The following DNAAF11 variants were observed in gnomAD, a reference collection of about 807,000 sequenced individuals.
The protein encoded by DNAAF11 is leucine rich repeat containing 6.
A neutral mutation model predicts 60.8 loss-of-function variants in DNAAF11; 45 were observed. That is an observed-to-expected ratio of 0.74 (90% CI 0.58 to 0.95). DNAAF11 has a LOEUF of 0.95. DNAAF11 is among the 40% of genes least tolerant of loss of function. DNAAF11 has a pLI of 0.00. For synonymous variants in DNAAF11, 191 were observed against 183.5 expected (o/e 1.04, Z -0.33); for missense variants, 546 against 546.2 (o/e 1.00, Z 0.00).
chr8:132,629,640 C>T (rs1445899506), intron 5 of DNAAF11, among the ~76,000 whole-genome samples: 1 of 152,166 alleles, frequency 6.6e-6, no homozygotes, highest in East Asian at 1.9e-4. Context: ...AGCCACTGCG[C>T]CCGGCCCAGA....
chr8:132,620,002 G>A (rs1459149963), intron 7 of DNAAF11, among the ~76,000 whole-genome samples: 1 of 152,168 alleles, frequency 6.6e-6, no homozygotes, highest in Non-Finnish European at 1.5e-5. Context: ...AACGAAATAG[G>A]AAACAAGGTC....
chr8:132,609,148 C>T (rs770676596), intron 10 of DNAAF11, among the ~76,000 whole-genome samples: 21 of 152,228 alleles, frequency 1.4e-4, no homozygotes, highest in Non-Finnish European at 2.6e-4. Flanking sequence ...AATCAAAATA[C>T]GTCTGTGGGG....
intron 10 of DNAAF11, among the ~76,000 whole-genome samples, chr8:132,604,723 C>T (rs182427695): frequency 2.0e-5 from 3 of 152,112 alleles, no homozygotes; most frequent in East Asian, 1.9e-4. Context: ...GGAATGAAGG[C>T]CAGACATAAA....
chr8:132,622,512 A>C (rs1819859943), intron 7 of DNAAF11, 99 bp downstream of exon 7: 2 of 855,018 alleles, frequency 2.3e-6, no homozygotes, highest in African/African-American at 3.4e-5. Flanking sequence ...AGCAGTCAGA[A>C]ATATTCTTTG....
the DNAAF11 span, among the ~76,000 whole-genome samples, chr8:132,689,244 G>C: frequency 1.3e-4 from 20 of 152,278 alleles, no homozygotes; most frequent in East Asian, 3.9e-3. Context: ...GGACATTAGA[G>C]TATTTCTATT....
intron 7 of DNAAF11, among the ~76,000 whole-genome samples, chr8:132,618,081 A>G (rs1376835838): frequency 6.6e-5 from 10 of 151,414 alleles, no homozygotes; most frequent in Admixed American, 1.3e-4. Context: ...ACAGCATGGT[A>G]CTGGTACCAA....
At chr8:132,681,289 C>T in the DNAAF11 span, among the ~76,000 whole-genome samples, 3,596 of 149,456 alleles carry the variant, frequency 0.024, 160 homozygotes, top group African/African-American at 0.084. Context: ...GGATTACAGG[C>T]GTGAGCCACC....
intron 10 of DNAAF11, among the ~76,000 whole-genome samples, chr8:132,597,848 T>C (rs961565528): frequency 2.6e-5 from 4 of 152,140 alleles, no homozygotes; most frequent in African/African-American, 9.7e-5. Flanking sequence ...ATTTTCTTAG[T>C]GGGGTTGGGG....
chr8:132,616,091 A>G (rs945309461), intron 7 of DNAAF11, among the ~76,000 whole-genome samples: 2 of 152,100 alleles, frequency 1.3e-5, no homozygotes, highest in East Asian at 3.9e-4. Context: ...CTTGTAAAGT[A>G]ATTTCAGAGA....
chr8:132,594,707 GCT>G (rs944769504), intron 10 of DNAAF11, among the ~76,000 whole-genome samples: 1 of 152,052 alleles, frequency 6.6e-6, no homozygotes, highest in African/African-American at 2.4e-5. Context: ...TCCTTCACAG[GCT>G]CTCTCACCTG....
At chr8:132,661,367 C>G in intron 2 of DNAAF11, 93 bp downstream of exon 2, 1 of 1,032,170 alleles carries the variant, frequency 9.7e-7, no homozygotes, top group South Asian at 1.7e-5. Context: ...GTTTTTTTTT[C>G]AGTGATTGTC....
intron 11 of DNAAF11, chr8:132,578,381 A>G (rs1814978543): frequency 1.5e-6 from 2 of 1,361,690 alleles, no homozygotes; most frequent in Admixed American, 3.2e-5. Flanking sequence ...ATAATCTCCA[A>G]AACAAAGTGG....
the DNAAF11 span, among the ~76,000 whole-genome samples, chr8:132,682,543 G>C: frequency 2.0e-5 from 3 of 152,118 alleles, no homozygotes; most frequent in African/African-American, 7.2e-5. Context: ...TTAAATATGG[G>C]ACTAATTTTA....
In DNAAF11 at chr8:132,655,390, A is replaced by G. The variant is rs184579015; in HGVS notation, c.256+1440T>C. Among the ~76,000 whole-genome samples, 692 of 152,228 alleles carry G rather than the reference A, an allele frequency of 4.5e-3. 6 individuals carry two copies. The highest frequency in any genetic ancestry group is 0.016 in the African/African-American group (665 of 41,568). ...AAAATCGAATAAGAAGCACTTCTCA[A>G]TTCATTCTATAAAGGCCCCTACTAT... is the stretch of plus-strand genomic sequence containing the variant. On this transcript the variant is annotated intron_variant, in intron 3 of 11. Transcript: ENST00000620350.
rs572376049 is a variant in DNAAF11, at chr8:132,572,828, T to C, written c.1227-348A>G. ...GGCAACGCCCTACAGCCAAGATCAA[T>C]AACTGAATCCTTCCAGGCAGCTCTT... On this transcript the variant is annotated intron_variant, in intron 11 of 11. Transcript: ENST00000620350. 5.3e-5 allele frequency among the ~76,000 whole-genome samples: 8 copies of C among 152,248 alleles called. No individual in the cohort carries two copies. The East Asian group carries it at 1.2e-3, about 22-fold the overall frequency.
At chr8:132,603,741 T>G (rs1817868685) in intron 10 of DNAAF11, among the ~76,000 whole-genome samples, 1 of 152,112 alleles carries the variant, frequency 6.6e-6, no homozygotes, top group Admixed American at 6.6e-5. Flanking sequence ...GGGGATGTTT[T>G]TATTTTGTTC....
chr8:132,640,112 C>T (rs1484585427), intron 3 of DNAAF11, among the ~76,000 whole-genome samples: 1 of 152,164 alleles, frequency 6.6e-6, no homozygotes, highest in East Asian at 1.9e-4. Flanking sequence ...CCTTCTTCAA[C>T]CCACTTTTCA....
chr8:132,672,570 C>A (rs1035880472), intron 1 of DNAAF11, among the ~76,000 whole-genome samples: 3 of 152,172 alleles, frequency 2.0e-5, no homozygotes, highest in Non-Finnish European at 4.4e-5. Flanking sequence ...CGCTGCTTAA[C>A]CTCTTTGTGC....
chr8:132,586,563 C>A (rs1368715450), intron 10 of DNAAF11, among the ~76,000 whole-genome samples: 1 of 152,130 alleles, frequency 6.6e-6, no homozygotes, highest in African/African-American at 2.4e-5. Flanking sequence ...CCTCTGTGGT[C>A]TAGATCACGT....
Sources: gnomAD v4.1 joint callset for allele counts (sites outside exome capture counted in the v4.1 genomes callset) on GRCh38, gnomAD v4.1.1 for gene constraint, MANE v1.5 for transcripts, NCBI Gene and HGNC (gene_info 2026-07-23, HGNC 2026-07-21) for gene names.